SIL1: variants seen among roughly 807,000 people sequenced by gnomAD.
The protein encoded by SIL1 is SIL1 nucleotide exchange factor.
Under a neutral mutation model 49.1 loss-of-function variants are expected in SIL1, and 40 were observed. The ratio of observed to expected loss-of-function variants is 0.81; its 90% CI spans 0.63 to 1.06. SIL1 has a LOEUF of 1.06. Ranked by LOEUF, SIL1 falls within the 50% of genes least tolerant of loss-of-function variation. SIL1 has a pLI of 0.00. For missense variants in SIL1, 500 were observed against 572.6 expected (o/e 0.87, Z 1.29); for synonymous variants, 253 against 250.8 (o/e 1.01, Z -0.08).
chr5:139,104,845 G>T (rs1770665166), intron 3 of SIL1, among the ~76,000 whole-genome samples: 1 of 152,154 alleles, frequency 6.6e-6, no homozygotes, highest in South Asian at 2.1e-4. Flanking sequence ...AACACCTCAG[G>T]ACTTGAACTC....
intron 1 of SIL1, among the ~76,000 whole-genome samples, chr5:139,189,739 T>G (rs373657427): frequency 2.2e-4 from 34 of 152,302 alleles, no homozygotes; most frequent in African/African-American, 7.9e-4. Context: ...GAGAATTGCT[T>G]GAACCTGGGA....
intron 3 of SIL1, among the ~76,000 whole-genome samples, chr5:139,108,906 GAA>G (rs11437704): frequency 7.0e-6 from 1 of 143,854 alleles, no homozygotes. Context: ...ACAAGGAAAA[GAA>G]AAAAAAAAAA....
intron 3 of SIL1, among the ~76,000 whole-genome samples, chr5:139,051,836 A>G (rs1769293943): frequency 6.6e-6 from 1 of 152,244 alleles, no homozygotes; most frequent in Admixed American, 6.5e-5. Context: ...CTACTCAAGT[A>G]TAGTTAAAAA....
At position 138,946,877 on chromosome 5, in the gene SIL1, G is replaced by A. The variant is rs1210955532; in HGVS notation, c.*240C>T. 7 of 559,868 alleles carry A rather than the reference G, an allele frequency of 1.3e-5. No individual in the cohort carries two copies. The Admixed American group carries it at 1.8e-4, about 15-fold the overall frequency. The allele number at this position is 559,868 out of a possible 1,614,324, so 34.7% of individuals were successfully genotyped here. A position where few individuals can be genotyped will look rare whatever the true frequency, so the allele number is the denominator to read the frequency against. ...GTTCCTGCCCTGGAGCCTGTTCCTG[G>A]ATGCCCTGGGCTGAGCCCTGCACGT... On this transcript the variant is annotated 3_prime_UTR_variant, in exon 10 of 10. Coordinates refer to ENST00000394817, the MANE Select transcript of SIL1 (RefSeq NM_022464.5).
At chr5:138,999,993 A>G (rs1168447551) in intron 7 of SIL1, among the ~76,000 whole-genome samples, 1 of 152,230 alleles carries the variant, frequency 6.6e-6, no homozygotes, top group East Asian at 1.9e-4. Context: ...CAGAACTTCC[A>G]GTATTCTGTT....
At chr5:139,042,572 AC>A (rs1375342962) in intron 5 of SIL1, 47 bp downstream of exon 5, 2 of 1,498,840 alleles carry the variant, frequency 1.3e-6, no homozygotes, top group Non-Finnish European at 9.3e-7. Flanking sequence ...TGCAAAGACA[AC>A]AAGGCCATGC....
chr5:139,096,090 A>G (rs1581096606), intron 3 of SIL1, among the ~76,000 whole-genome samples: 1 of 152,162 alleles, frequency 6.6e-6, no homozygotes, highest in South Asian at 2.1e-4. Flanking sequence ...CACCCCCCCA[A>G]CAGTGGCAGT....
At chr5:138,998,962 T>C (rs920450364) in intron 7 of SIL1, among the ~76,000 whole-genome samples, 1 of 151,398 alleles carries the variant, frequency 6.6e-6, no homozygotes, top group Non-Finnish European at 1.5e-5. Flanking sequence ...GTTCAAGTGA[T>C]TCTCCTGCCT....
intron 1 of SIL1, among the ~76,000 whole-genome samples, chr5:139,153,865 T>A (rs560000102): frequency 2.6e-5 from 4 of 152,230 alleles, no homozygotes; most frequent in African/African-American, 9.6e-5. Flanking sequence ...CTTTCCACAG[T>A]ACCCCAAGCT....
At chr5:139,149,684 G>A (rs1010175353) in intron 1 of SIL1, among the ~76,000 whole-genome samples, 9 of 152,142 alleles carry the variant, frequency 5.9e-5, no homozygotes, top group Non-Finnish European at 2.9e-5. Context: ...GAAGAGGTGA[G>A]CTTTGATGAT....
intron 1 of SIL1, among the ~76,000 whole-genome samples, chr5:139,176,960 T>C (rs1581154233): frequency 8.0e-6 from 1 of 124,646 alleles, no homozygotes; most frequent in Middle Eastern, 6.0e-3. Context: ...TGAGACAGAG[T>C]CTCACTCTGT....
intron 1 of SIL1, among the ~76,000 whole-genome samples, chr5:139,142,799 C>T (rs551103168): frequency 2.5e-4 from 38 of 152,058 alleles, no homozygotes; most frequent in South Asian, 2.1e-3. Flanking sequence ...GATAGAGTCT[C>T]GCTCTGTTGC....
At chr5:139,019,843 G>A (rs557208436) in intron 7 of SIL1, among the ~76,000 whole-genome samples, 147 of 152,308 alleles carry the variant, frequency 9.7e-4, no homozygotes, top group South Asian at 1.7e-3. Flanking sequence ...AAAAGGGTCT[G>A]GAGAGAGGTT....
chr5:139,109,809 C>G (rs1201060172), intron 3 of SIL1, among the ~76,000 whole-genome samples: 1 of 146,694 alleles, frequency 6.8e-6, no homozygotes, highest in African/African-American at 2.5e-5. Context: ...TAAACCCCTT[C>G]CATTCTAGGA....
At chr5:139,137,256 A>G in intron 1 of SIL1, 1 of 695,224 alleles carries the variant, frequency 1.4e-6, no homozygotes, top group South Asian at 1.5e-5. Flanking sequence ...CTTCACGACA[A>G]CCCTCTGAGG....
chr5:138,990,951 G>C (rs1767743720), intron 7 of SIL1, among the ~76,000 whole-genome samples: 1 of 152,232 alleles, frequency 6.6e-6, no homozygotes, highest in Non-Finnish European at 1.5e-5. Context: ...CCCAGCCTCA[G>C]GTGATCCGCC....
chr5:139,126,612 G>A (rs1285214108), intron 2 of SIL1, among the ~76,000 whole-genome samples: 2 of 152,142 alleles, frequency 1.3e-5, no homozygotes, highest in African/African-American at 4.8e-5. Context: ...TACTGTCCTT[G>A]AAGAAGAGGC....
chr5:139,182,432 T>C (rs1752007451), intron 1 of SIL1, among the ~76,000 whole-genome samples: 1 of 152,200 alleles, frequency 6.6e-6, no homozygotes, highest in Non-Finnish European at 1.5e-5. Context: ...CAATGGGTAC[T>C]CAGCAAATAA....
At chr5:139,051,099 GTCGGGATGGCCA>G in intron 3 of SIL1, 53 bp from the exon 4 acceptor site, 2 of 1,553,350 alleles carry the variant, frequency 1.3e-6, no homozygotes, top group Non-Finnish European at 1.8e-6. Flanking sequence ...TTGGAAGGCT[GTCGGGATGGCCA>G]GCAAGCCAAC....
Sources: allele counts gnomAD v4.1 joint callset (sites outside exome capture counted in the v4.1 genomes callset), GRCh38; gene constraint gnomAD v4.1.1; transcripts MANE v1.5; gene names NCBI Gene and HGNC (gene_info 2026-07-23, HGNC 2026-07-21).